Variants in ALK observed in about 807,000 individuals in gnomAD.
The protein encoded by ALK is ALK tyrosine kinase receptor.
ALK carries 74 observed loss-of-function variants against 163.1 expected under a neutral mutation model. The observed-to-expected ratio is 0.45, with a 90% CI of 0.38 to 0.55. The LOEUF (loss-of-function observed/expected upper bound fraction) is 0.55. ALK is among the 20% of genes least tolerant of loss of function. ALK has a pLI of 0.00. For synonymous variants in ALK, 960 were observed against 843.2 expected (o/e 1.14, Z -2.40); for missense variants, 2,063 against 2,105.3 (o/e 0.98, Z 0.39).
chr2:29,762,528 T>C (rs1558477120), intron 1 of ALK, among the ~76,000 whole-genome samples: 3 of 152,184 alleles, frequency 2.0e-5, no homozygotes, highest in Non-Finnish European at 4.4e-5. Flanking sequence ...GAGGAAATCA[T>C]TATACCAGAT....
chr2:29,731,397 G>A (rs931052894), intron 1 of ALK, among the ~76,000 whole-genome samples: 1 of 152,132 alleles, frequency 6.6e-6, no homozygotes, highest in Non-Finnish European at 1.5e-5. Context: ...GCCTTCCAAG[G>A]TTTGAGCATA....
intron 1 of ALK, among the ~76,000 whole-genome samples, chr2:29,836,574 C>T (rs543053375): frequency 3.3e-5 from 5 of 152,308 alleles, no homozygotes; most frequent in African/African-American, 1.2e-4. Context: ...GTTTGTCCTG[C>T]TAAGTATAAG....
At chr2:29,549,677 A>G (rs1395814077) in intron 3 of ALK, among the ~76,000 whole-genome samples, 1 of 152,256 alleles carries the variant, frequency 6.6e-6, no homozygotes. Context: ...TATAAAATAC[A>G]TCTCAAGTAT....
At chr2:29,878,296 G>A (rs753395826) in intron 1 of ALK, among the ~76,000 whole-genome samples, 13 of 152,146 alleles carry the variant, frequency 8.5e-5, no homozygotes, top group Non-Finnish European at 1.6e-4. Context: ...AAGCCTTTGG[G>A]AAATTAGGTC....
intron 12 of ALK, among the ~76,000 whole-genome samples, chr2:29,244,516 G>A (rs573545622): frequency 2.4e-4 from 37 of 152,288 alleles, no homozygotes; most frequent in Admixed American, 1.1e-3. Context: ...CAAGGTTCAT[G>A]GTCTGTTTCT....
chr2:29,726,643 T>G (rs1679584126), intron 1 of ALK, among the ~76,000 whole-genome samples: 1 of 152,144 alleles, frequency 6.6e-6, no homozygotes, highest in African/African-American at 2.4e-5. Context: ...CCAGGATGAC[T>G]CCTGAAATCA....
intron 12 of ALK, among the ~76,000 whole-genome samples, chr2:29,243,095 T>G (rs967995042): frequency 3.3e-5 from 5 of 152,192 alleles, no homozygotes; most frequent in Admixed American, 3.3e-4. Flanking sequence ...GAGTGGGATG[T>G]GCCACAGGTA....
chr2:29,249,614 T>A (rs889793525), intron 12 of ALK, among the ~76,000 whole-genome samples: 3 of 152,140 alleles, frequency 2.0e-5, no homozygotes, highest in African/African-American at 7.2e-5. Context: ...GTTGCTAAGC[T>A]CCTCCGACTC....
At chr2:29,539,814 A>C (rs1401498285) in intron 3 of ALK, among the ~76,000 whole-genome samples, 3 of 152,152 alleles carry the variant, frequency 2.0e-5, no homozygotes, top group Admixed American at 6.5e-5. Context: ...TTATTGTCTA[A>C]AGTTAAGAAA....
At position 29,233,621 on chromosome 2, in the gene ALK, C is replaced by T. The variant is rs771935814; in HGVS notation, c.2431G>A (p.Val811Met). The T allele has an allele frequency of 6.8e-6, 11 of 1,614,120 alleles. No individual in the cohort carries two copies. Among genetic ancestry groups the T allele is most frequent in the Admixed American group, 3.3e-5 (2 of 60,008 alleles). ...IEEEIRVNRS[V>M]HEWAGGGGGG... Reference sequence around the variant, plus strand: ...CCTCCGCCTCCTGCCCACTCATGCACGCTTCTGTTCACACGGATTTCTTCT... The same window carrying T: ...CCTCCGCCTCCTGCCCACTCATGCATGCTTCTGTTCACACGGATTTCTTCT... Residue 811 changes from valine (V) to methionine (M), a missense_variant, in exon 14 of 29, where the codon GTG becomes ATG. Physicochemically the swap from Val to Met is conservative, Grantham distance 21. This residue lies in a region of ALK where 575 missense variants were observed against 626.6 expected (regional missense o/e 0.92). Coordinates refer to ENST00000389048, the MANE Select transcript of ALK (RefSeq NM_004304.5).
rs578124681 is a variant in ALK at position 29,731,222 on chromosome 2, T to C, written c.668-13525A>G. ...TGGTTATTGAATGGCCAAAAAGTAA[T>C]GATTACAAATGACTGAGTTAAACTG... On this transcript the variant is annotated intron_variant, in intron 1 of 28. Transcript: ENST00000389048. 7.2e-5 allele frequency among the ~76,000 whole-genome samples: 11 copies of C among 152,318 alleles called. No individual in the cohort carries two copies. The East Asian group carries it at 1.9e-3, about 27-fold the overall frequency.
chr2:29,810,250 C>T (rs568516820), intron 1 of ALK, among the ~76,000 whole-genome samples: 30 of 151,878 alleles, frequency 2.0e-4, no homozygotes, highest in Non-Finnish European at 3.4e-4. Flanking sequence ...GGTGATACGC[C>T]ATCTCTACTA....
At chr2:29,531,444 G>A (rs546440024) in intron 4 of ALK, among the ~76,000 whole-genome samples, 8 of 152,218 alleles carry the variant, frequency 5.3e-5, no homozygotes, top group South Asian at 2.1e-4. Context: ...TTACATTGGC[G>A]TAGTATCCAT....
At chr2:29,411,856 A>G (rs1293566005) in intron 4 of ALK, among the ~76,000 whole-genome samples, 5 of 151,028 alleles carry the variant, frequency 3.3e-5, no homozygotes, top group African/African-American at 1.2e-4. Flanking sequence ...GATTTTTGCA[A>G]CCTCCTCATC....
intron 4 of ALK, among the ~76,000 whole-genome samples, chr2:29,512,011 T>C (rs1672534359): frequency 6.9e-6 from 1 of 145,342 alleles, no homozygotes; most frequent in Non-Finnish European, 1.5e-5. Flanking sequence ...GGCTTGTATT[T>C]TGATTTTTCA....
At chr2:29,508,554 G>A (rs1432760207) in intron 4 of ALK, among the ~76,000 whole-genome samples, 1 of 151,876 alleles carries the variant, frequency 6.6e-6, no homozygotes, top group Non-Finnish European at 1.5e-5. Context: ...CATGGGGTGT[G>A]GGGAGCGGGA....
At chr2:29,396,858 T>TTTTTTTTTTTTC (rs1669323127) in intron 4 of ALK, among the ~76,000 whole-genome samples, 1 of 145,846 alleles carries the variant, frequency 6.9e-6, no homozygotes, top group African/African-American at 2.6e-5. Context: ...TTTTTTTTTT[T>TTTTTTTTTTTTC]TTGCTACTTG....
chr2:29,844,131 AC>A (rs1411820687), intron 1 of ALK, among the ~76,000 whole-genome samples: 1 of 152,150 alleles, frequency 6.6e-6, no homozygotes, highest in Non-Finnish European at 1.5e-5. Context: ...TGAGGAAGTC[AC>A]CCCGGAACTG....
intron 28 of ALK, 152 bp downstream of exon 28, chr2:29,196,618 A>G: frequency 1.4e-6 from 1 of 699,340 alleles, no homozygotes; most frequent in East Asian, 2.6e-5. Flanking sequence ...TGGAGACACC[A>G]GTCATTTCAT....
Sources: allele counts gnomAD v4.1 joint callset (sites outside exome capture counted in the v4.1 genomes callset), GRCh38; gene constraint gnomAD v4.1.1; regional missense constraint gnomAD v4.1.1; transcripts MANE v1.5; gene names NCBI Gene and HGNC (gene_info 2026-07-23, HGNC 2026-07-21).